Variants in TCOF1 observed in about 807,000 individuals in gnomAD.
The protein encoded by TCOF1 is treacle protein.
A neutral mutation model predicts 149.0 loss-of-function variants in TCOF1; 33 were observed. That is an observed-to-expected ratio of 0.22 (90% CI 0.17 to 0.30). TCOF1 has a LOEUF of 0.30. Among genes scored for constraint, TCOF1 ranks in the 10% least tolerant of loss-of-function variants. The pLI, the probability that TCOF1 is intolerant of heterozygous loss-of-function variation, is 1.00. For synonymous variants in TCOF1, 789 were observed against 738.8 expected (o/e 1.07, Z -1.10); for missense variants, 1,728 against 1,840.7 (o/e 0.94, Z 1.12).
chr5:150,397,190 TGTCCAGA>T, intron 24 of TCOF1, among the ~76,000 whole-genome samples: 1 of 147,624 alleles, frequency 6.8e-6, no homozygotes, highest in South Asian at 2.2e-4. Flanking sequence ...AGAAGTGGTT[TGTCCAGA>T]GTCACAGGGG....
rs1767471327 is a variant in TCOF1 at position 150,391,669 on chromosome 5, G to A, written c.3297+12G>A. 6.2e-7 allele frequency: 1 copy of A among 1,610,862 alleles called. No homozygotes were observed. Among genetic ancestry groups the A allele is most frequent in the Admixed American group, 1.7e-5 (1 of 59,734 alleles). The stretch of plus-strand genomic sequence containing the variant: ...AGCCTTCAAGTGGGGTGAGCTTGGG[G>A]AGCCAGGGGAAGCAAGCCCACGGAG... On this transcript the variant is annotated intron_variant, in intron 20 of 26. Coordinates refer to ENST00000643257, the MANE Select transcript of TCOF1 (RefSeq NM_001371623.1).
intron 23 of TCOF1, among the ~76,000 whole-genome samples, chr5:150,395,256 T>C (rs1188476283): frequency 1.3e-5 from 2 of 152,152 alleles, no homozygotes; most frequent in Admixed American, 1.3e-4. Flanking sequence ...ACATGGAGTA[T>C]CCACCTGGGC....
At chr5:150,384,884 G>A (rs535763932) in intron 17 of TCOF1, 3 of 985,386 alleles carry the variant, frequency 3.0e-6, no homozygotes, top group East Asian at 1.1e-4. Flanking sequence ...GATTTTATTA[G>A]CCCATCAGTG....
At position 150,375,089 on chromosome 5, in the gene TCOF1, G is replaced by C. The variant is rs1386394139; in HGVS notation, c.1414G>C (p.Glu472Gln). Residue 472 changes from glutamate to glutamine, a missense_variant, in exon 10 of 27, where the codon GAG (glutamate) becomes CAG (glutamine). By Grantham distance (29) the Glu-to-Gln change is conservative (BLOSUM62 2). Transcript: ENST00000643257. ...AAAQVQVGKQEEDSRSSSEES... is the reference protein window; with the variant it reads ...AAAQVQVGKQQEDSRSSSEES... ...CGCCCAGGTCCAGGTGGGGAAGCAG[G>C]AGGAGGACTCAAGAAGCAGCAGCGA... The C allele has an allele frequency of 6.2e-7, 1 of 1,614,054 alleles. No individual in the cohort carries two copies. The highest frequency in any genetic ancestry group is 1.3e-5 in the African/African-American group (1 of 74,944).
chr5:150,374,900 T>C (rs147202502), intron 9 of TCOF1, 54 bp from the exon 10 acceptor site: 1 of 1,613,626 alleles, frequency 6.2e-7, no homozygotes, highest in East Asian at 2.2e-5. Context: ...ATCCAGCTCC[T>C]GTCTCCACAC....
intron 23 of TCOF1, among the ~76,000 whole-genome samples, chr5:150,395,310 C>T (rs2151085606): frequency 6.6e-6 from 1 of 152,344 alleles, no homozygotes; most frequent in Non-Finnish European, 1.5e-5. Context: ...ACCAAGCCAC[C>T]TTTCAGAGCC....
chr5:150,375,575 GCT>G (rs762825475), intron 11 of TCOF1, 21 bp downstream of exon 11: 40 of 1,613,680 alleles, frequency 2.5e-5, no homozygotes, highest in Non-Finnish European at 3.1e-5. Context: ...TTCCTGTAAG[GCT>G]CTTTCTTTTT....
intron 17 of TCOF1, 75 bp from the exon 18 acceptor site, chr5:150,387,827 T>TC: frequency 1.0e-5 from 16 of 1,602,742 alleles, no homozygotes; most frequent in Non-Finnish European, 1.4e-5. Context: ...TGTAAAACAC[T>TC]CCCTAACCCC....
At position 150,392,597 on chromosome 5, in the gene TCOF1, A is replaced by T. The variant is rs182782534; in HGVS notation, c.3518-108A>T. On this transcript the variant is annotated intron_variant, in intron 21 of 26. Transcript: ENST00000643257. ...GACTTGTGGTGAGGCGGGGCAGGGGATGGGGGTGAGGGACCTGCAGAGAGA... is the reference window on the plus strand; with the variant it reads ...GACTTGTGGTGAGGCGGGGCAGGGGTTGGGGGTGAGGGACCTGCAGAGAGA... 3.7e-3 allele frequency: 3,838 copies of T among 1,031,742 alleles called. 14 individuals are homozygous for T. Among genetic ancestry groups the T allele is most frequent in the Non-Finnish European group, 4.7e-3 (3,201 of 684,366 alleles). 63.9% of individuals were successfully genotyped at this position (1,031,742 alleles called of 1,614,324 possible).
intron 19 of TCOF1, among the ~76,000 whole-genome samples, 158 bp from the exon 20 acceptor site, chr5:150,391,386 C>T (rs191076978): frequency 8.5e-4 from 130 of 152,286 alleles, no homozygotes; most frequent in African/African-American, 2.6e-3. Flanking sequence ...CAATGTGATT[C>T]GCTCATAACC....
At chr5:150,398,549 G>A (rs1417983928) in intron 25 of TCOF1, 98 bp downstream of exon 25, 14 of 1,585,836 alleles carry the variant, frequency 8.8e-6, no homozygotes, top group East Asian at 6.7e-5. Context: ...TCCCATTTTC[G>A]GGGCCCAGTC....
At position 150,375,436 on chromosome 5, in the gene TCOF1, T is replaced by G; in HGVS notation, c.1586T>G (p.Val529Gly). The G allele has an allele frequency of 6.2e-7, 1 of 1,611,806 alleles. No individual in the cohort carries two copies. Among genetic ancestry groups the G allele is most frequent in the South Asian group, 1.1e-5 (1 of 90,946 alleles). ...GCCGGCCCAGTGCCACCCGGGAAGG[T>G]GGGGCCTGCAACCCCCTCAGCCCAG... ...KGAGPVPPGKVGPATPSAQVG... is the reference protein window; with the variant it reads ...KGAGPVPPGKGGPATPSAQVG... The change falls in exon 11 of 27, where the codon GTG becomes GGG. Residue 529 changes from valine to glycine, a missense_variant. This residue lies in a region of TCOF1 where 1,696 missense variants were observed against 1,765.4 expected (regional missense o/e 0.96). Transcript: ENST00000643257.
chr5:150,367,569 A>G (rs1761633476), intron 3 of TCOF1: 1 of 454,726 alleles, frequency 2.2e-6, no homozygotes, highest in Non-Finnish European at 4.1e-6. Context: ...TTTTCCCTCC[A>G]GGGGCCTCCA....
Position 150,372,071 on chromosome 5 carries a change from A to T in TCOF1, c.705A>T (p.Ala235=). 6.2e-7 allele frequency: 1 copy of T among 1,614,246 alleles called. No individual in the cohort carries two copies. Among genetic ancestry groups the T allele is most frequent in the Non-Finnish European group, 8.5e-7 (1 of 1,180,046 alleles). Residue 235 remains alanine, a synonymous_variant, in exon 7 of 27, where the codon GCA becomes GCT. Coordinates refer to ENST00000643257, the MANE Select transcript of TCOF1 (RefSeq NM_001371623.1). ...ASSVSTKESP[A]RKAAPAPGKV... is the part of the protein sequence containing the mutation. ...CAGTTTCTACTAAGGAGTCTCCAGC[A>T]AGAAAGGCGGCCCCAGCCCCTGGGA...
rs775841715 is a variant in TCOF1 at position 150,375,212 on chromosome 5, C to A, written c.1488+49C>A. On this transcript the variant is annotated intron_variant, in intron 10 of 26. Coordinates refer to ENST00000643257, the MANE Select transcript of TCOF1 (RefSeq NM_001371623.1). ...TGGCCTGTGCCCTGCCTCAAAAGAC[C>A]TCCTGTGGTTTTGACTTTTCCTCTC... 7 of 1,612,712 alleles carry A rather than the reference C, an allele frequency of 4.3e-6. No individual in the cohort carries two copies. In the South Asian group the frequency reaches 7.7e-5, roughly 18 times the overall value.
intron 18 of TCOF1, among the ~76,000 whole-genome samples, chr5:150,388,713 A>C (rs1766782560): frequency 6.6e-6 from 1 of 152,218 alleles, no homozygotes; most frequent in African/African-American, 2.4e-5. Flanking sequence ...TGAGGCAGGC[A>C]GATCACCTGA....
intron 21 of TCOF1, 140 bp downstream of exon 21, chr5:150,392,316 C>T: frequency 1.2e-6 from 1 of 805,206 alleles, no homozygotes; most frequent in Non-Finnish European, 1.9e-6. Flanking sequence ...GTTTCCCCAC[C>T]TGTACAACTT....
chr5:150,398,883 CT>C, intron 25 of TCOF1, 138 bp from the exon 26 acceptor site: 3 of 1,171,834 alleles, frequency 2.6e-6, no homozygotes, highest in Non-Finnish European at 3.8e-6. Flanking sequence ...AGCTGAACAT[CT>C]GTTTGCCTCT....
At position 150,396,498 on chromosome 5, in the gene TCOF1, C is replaced by T. The variant is rs577238694; in HGVS notation, c.4001C>T (p.Thr1334Ile). Reference protein sequence around the residue: ...LEQERKKVVDTTKESSRKGWE... With the variant: ...LEQERKKVVDITKESSRKGWE... ...CAGGAAAGAAAGAAGGTGGTGGACA[C>T]CACCAAGGAGAGCAGCAGGAAGGGC... Residue 1334 changes from threonine to isoleucine, a missense_variant, in exon 24 of 27, where the codon ACC (threonine) becomes ATC (isoleucine). Thr to Ile is a moderately conservative substitution (Grantham distance 89). Coordinates refer to ENST00000643257, the MANE Select transcript of TCOF1 (RefSeq NM_001371623.1). 3.1e-6 allele frequency: 5 copies of T among 1,613,220 alleles called. No individual in the cohort carries two copies. Among genetic ancestry groups the T allele is most frequent in the African/African-American group, 1.3e-5 (1 of 74,996 alleles).
Sources: gnomAD v4.1 joint callset for allele counts (sites outside exome capture counted in the v4.1 genomes callset) on GRCh38, gnomAD v4.1.1 for gene constraint, gnomAD v4.1.1 regional missense constraint, MANE v1.5 for transcripts, NCBI Gene and HGNC (gene_info 2026-07-23, HGNC 2026-07-21) for gene names.